Variants in PDE6G observed in about 807,000 individuals in gnomAD.
The protein encoded by PDE6G is rod cGMP 3',5'-cyclic phosphodiesterase subunit gamma.
PDE6G carries 10 observed loss-of-function variants against 10.9 expected under a neutral mutation model. That is an observed-to-expected ratio of 0.91 (90% CI 0.56 to 1.55). The LOEUF (loss-of-function observed/expected upper bound fraction) is 1.55, where lower values mean the gene tolerates loss of function less well. PDE6G is among the 40% of genes most tolerant of loss of function. PDE6G has a pLI of 0.00. For missense variants in PDE6G, 102 were observed against 110.1 expected (o/e 0.93, Z 0.33); for synonymous variants, 41 against 42.8 (o/e 0.96, Z 0.16).
rs552131783 is a variant in PDE6G at position 81,651,071 on chromosome 17, G to A, written c.*3C>T. Reference sequence around the variant, plus strand: ...AGGGTCTGGACTTCAGCAGGGCCTCGTGCTAGATGATGCCATATTGGGCCA... The same window carrying A: ...AGGGTCTGGACTTCAGCAGGGCCTCATGCTAGATGATGCCATATTGGGCCA... On this transcript the variant is annotated 3_prime_UTR_variant, in exon 4 of 4. Coordinates refer to ENST00000331056, the MANE Select transcript of PDE6G (RefSeq NM_002602.4). The surrounding 1 kb of genome is among the most constrained non-coding windows in gnomAD (Gnocchi z 4.8). The A allele has an allele frequency of 3.5e-5, 57 of 1,607,932 alleles. No individual in the cohort carries two copies. Among genetic ancestry groups the A allele is most frequent in the African/African-American group, 5.3e-5 (4 of 74,788 alleles).
intron 1 of PDE6G, among the ~76,000 whole-genome samples, chr17:81,654,160 T>C (rs1036979127): frequency 6.7e-6 from 1 of 150,064 alleles, no homozygotes; most frequent in African/African-American, 2.4e-5. Flanking sequence ...CTGCTGGGAA[T>C]GGGCCTGCCA....
chr17:81,651,726 C>G lies in PDE6G; in HGVS notation c.147-41G>C. 2 of 1,609,360 alleles carry G rather than the reference C, an allele frequency of 1.2e-6. No homozygotes were observed. The highest frequency in any genetic ancestry group is 1.7e-5 in the Admixed American group (1 of 59,750). On this transcript the variant is annotated intron_variant, in intron 2 of 3. Transcript: ENST00000331056. The surrounding 1 kb of genome is among the most constrained non-coding windows in gnomAD (Gnocchi z 4.8). ...ACTCAGGGACATGGCCGGGCCCAGT[C>G]CTGGCTCAGTCAGCCTGAGGCCCGA...
At chr17:81,659,632 G>A (rs1252530626), upstream of PDE6G, among the ~76,000 whole-genome samples, 1 of 151,944 alleles carries the variant, frequency 6.6e-6, no homozygotes, top group East Asian at 1.9e-4. Context: ...GAAATTAAAC[G>A]GTGATGTGGA....
upstream of PDE6G, chr17:81,657,176 A>C (rs2036457400): frequency 6.4e-6 from 1 of 157,212 alleles, no homozygotes; most frequent in South Asian, 1.8e-4. Flanking sequence ...TCTCCACAGA[A>C]GCAAACCATG....
upstream of PDE6G, among the ~76,000 whole-genome samples, chr17:81,658,826 G>C (rs1209708771): frequency 2.0e-5 from 3 of 152,044 alleles, no homozygotes; most frequent in Non-Finnish European, 4.4e-5. Flanking sequence ...GGGCAACAGT[G>C]AGACTCTGTC....
chr17:81,654,379 CTTTT>C (rs11431043), intron 1 of PDE6G, among the ~76,000 whole-genome samples: 1 of 128,442 alleles, frequency 7.8e-6, no homozygotes. Flanking sequence ...CCCTCTGATT[CTTTT>C]TTTTTTTTTT....
chr17:81,653,169 C>T lies in PDE6G; in HGVS notation c.137G>A (p.Gly46Asp). ...CCCCAGCTCTGCTTACCCTTGAACGCCTTTCTTTGGGGGCTTGCTCTTGAA... is the reference window on the plus strand; with the variant it reads ...CCCCAGCTCTGCTTACCCTTGAACGTCTTTCTTTGGGGGCTTGCTCTTGAA... ...RQFKSKPPKK[G>D]VQGFGDDIPG... The change falls in exon 2 of 4, where the codon GGC becomes GAC. Residue 46 changes from glycine to aspartate, a missense_variant. By Grantham distance (94) the Gly-to-Asp change is moderately conservative. Transcript: ENST00000331056. This position sits in a 1 kb window ranked among gnomAD's most constrained non-coding sequence, Gnocchi z 5.2. The T allele has an allele frequency of 6.2e-7, 1 of 1,614,048 alleles. No individual in the cohort carries two copies. The highest frequency in any genetic ancestry group is 1.1e-5 in the South Asian group (1 of 91,084).
At chr17:81,659,272 T>C (rs948871452), upstream of PDE6G, among the ~76,000 whole-genome samples, 3 of 150,796 alleles carry the variant, frequency 2.0e-5, no homozygotes, top group Non-Finnish European at 4.4e-5. Flanking sequence ...TATTGTACCA[T>C]TGCACTTTAA....
In PDE6G at chr17:81,651,346, G is replaced by A. The variant is rs2036351246; in HGVS notation, c.188-196C>T. Among the ~76,000 whole-genome samples the A allele has an allele frequency of 6.6e-6, 1 of 152,096 alleles. No individual in the cohort carries two copies. Among genetic ancestry groups the A allele is most frequent in the Non-Finnish European group, 1.5e-5 (1 of 68,006 alleles). On this transcript the variant is annotated intron_variant, in intron 3 of 3. Coordinates refer to ENST00000331056, the MANE Select transcript of PDE6G (RefSeq NM_002602.4). This position sits in a 1 kb window ranked among gnomAD's most constrained non-coding sequence, Gnocchi z 4.8. Reference sequence around the variant, plus strand: ...GGAGGGTGGGTGCAGCAGGTCCAGGGGAGGGAACCAGAGGAGGGTGGGGCT... The same window carrying A: ...GGAGGGTGGGTGCAGCAGGTCCAGGAGAGGGAACCAGAGGAGGGTGGGGCT...
At position 81,650,960 on chromosome 17, in the gene PDE6G, T is replaced by C. The variant is rs746105951; in HGVS notation, c.*114A>G. 2.5e-6 allele frequency: 2 copies of C among 793,988 alleles called. No individual in the cohort carries two copies. Among genetic ancestry groups the C allele is most frequent in the Non-Finnish European group, 4.5e-6 (2 of 446,366 alleles). 49.2% of individuals were successfully genotyped at this position (793,988 alleles called of 1,614,324 possible). A position where few individuals can be genotyped will look rare whatever the true frequency, so the allele number is the denominator to read the frequency against. ...GAGACCTGAGGTTGCAGTCCCATCC[T>C]GGTGTCCAGGTGCCATCTGGGCTAG... On this transcript the variant is annotated 3_prime_UTR_variant, in exon 4 of 4. Transcript: ENST00000331056.
upstream of PDE6G, among the ~76,000 whole-genome samples, chr17:81,660,309 G>A (rs1024867951): frequency 6.6e-6 from 1 of 152,068 alleles, no homozygotes; most frequent in African/African-American, 2.4e-5. Flanking sequence ...CTACTGGGGA[G>A]GCTGAGGCAG....
At chr17:81,656,221 G>C (rs2036444993) in intron 1 of PDE6G, among the ~76,000 whole-genome samples, 1 of 152,214 alleles carries the variant, frequency 6.6e-6, no homozygotes, top group East Asian at 1.9e-4. Context: ...CGTCCACTCA[G>C]GTCAGCTGAG....
upstream of PDE6G, among the ~76,000 whole-genome samples, chr17:81,657,418 G>T (rs907848011): frequency 2.0e-5 from 3 of 152,212 alleles, no homozygotes; most frequent in East Asian, 5.8e-4. Flanking sequence ...GGATCCCAAA[G>T]TTTTAGACAA....
At chr17:81,654,558 G>A (rs567417848) in intron 1 of PDE6G, among the ~76,000 whole-genome samples, 27 of 151,654 alleles carry the variant, frequency 1.8e-4, no homozygotes, top group Admixed American at 1.1e-3. Flanking sequence ...TTTTCTTTGT[G>A]TTTTTAGTAC....
Position 81,653,137 on chromosome 17 carries a change from C to A in PDE6G, c.146+23G>T, listed in dbSNP as rs200178288. The stretch of plus-strand genomic sequence containing the variant: ...AGGACCGCCTCCTCCCTTTCAGAGG[C>A]CCCATCCCCCAGCTCTGCTTACCCT... On this transcript the variant is annotated intron_variant, in intron 2 of 3. Transcript: ENST00000331056. This position sits in a 1 kb window ranked among gnomAD's most constrained non-coding sequence, Gnocchi z 5.2. The A allele has an allele frequency of 1.2e-6, 2 of 1,613,692 alleles. No individual in the cohort carries two copies. The highest frequency in any genetic ancestry group is 1.7e-5 in the Admixed American group (1 of 60,004).
chr17:81,658,258 A>T (rs1388629919), upstream of PDE6G, among the ~76,000 whole-genome samples: 1 of 151,652 alleles, frequency 6.6e-6, no homozygotes, highest in African/African-American at 2.4e-5. Context: ...CTAATTTTTA[A>T]TATTTTTAGT....
upstream of PDE6G, among the ~76,000 whole-genome samples, chr17:81,657,762 T>C (rs1338008298): frequency 6.6e-6 from 1 of 151,934 alleles, no homozygotes; most frequent in Non-Finnish European, 1.5e-5. Context: ...GTACCTGTAA[T>C]CCCAGCTACT....
intron 1 of PDE6G, chr17:81,663,032 C>T (rs1443334444): frequency 2.0e-5 from 3 of 152,272 alleles, no homozygotes; most frequent in South Asian, 2.1e-4. Flanking sequence ...GAGTGGCATC[C>T]CACGAGCACA....
At chr17:81,663,092 A>G (rs563929666) in exon 1 of PDE6G, 1 of 152,364 alleles carries the variant, frequency 6.6e-6, no homozygotes, top group South Asian at 2.1e-4. Context: ...GTGCGTCGGC[A>G]AGGCCGCCCA....
Sources: gnomAD v4.1 joint callset for allele counts (sites outside exome capture counted in the v4.1 genomes callset) on GRCh38, gnomAD v4.1.1 for gene constraint, Gnocchi (gnomAD v3.1) non-coding constraint, MANE v1.5 for transcripts, NCBI Gene and HGNC (gene_info 2026-07-23, HGNC 2026-07-21) for gene names.